The following RAB36 variants were observed in gnomAD, a reference collection of about 807,000 sequenced individuals.
The protein encoded by RAB36 is ras-related protein Rab-36.
In RAB36, 33 loss-of-function variants were observed where a neutral mutation model predicts 39.3. That is an observed-to-expected ratio of 0.84 (90% confidence interval 0.64 to 1.12). The LOEUF (loss-of-function observed/expected upper bound fraction) is 1.12, where lower values mean the gene tolerates loss of function less well. Among genes scored for constraint, RAB36 ranks in the 50% most tolerant of loss-of-function variants. The pLI is 0.00. For synonymous variants in RAB36, 133 were observed against 140.2 expected (o/e 0.95, Z 0.36); for missense variants, 308 against 355.3 (o/e 0.87, Z 1.07).
intron 6 of RAB36, among the ~76,000 whole-genome samples, chr22:23,156,672 G>C (rs1232605846): frequency 6.6e-6 from 1 of 152,234 alleles, no homozygotes; most frequent in Non-Finnish European, 1.5e-5. Flanking sequence ...ATGTCTACTC[G>C]GTAGTGGTGA....
chr22:23,151,418 CCCTGCTCTCACGGACCTGGCAAGGTGA>C (rs2071117509), intron 3 of RAB36, among the ~76,000 whole-genome samples: 1 of 152,144 alleles, frequency 6.6e-6, no homozygotes, highest in Admixed American at 6.5e-5. Flanking sequence ...TAGACACAAT[CCCTGCTCTCACGGACCTGGCAAGGTGA>C]CCTGCAGCCC....
In RAB36 at chr22:23,164,949, G is replaced by A. The variant is rs1251584463; in HGVS notation, c.*3385G>A. On this transcript the variant is annotated 3_prime_UTR_variant, in exon 11 of 11. Transcript: ENST00000263116. ...CTCCAGTTTCATCCCTGGTCACAAT[G>A]CAGTCTGCAGATGCCAGACCCCTCT... 7.4e-6 allele frequency among the ~76,000 whole-genome samples: 1 copy of A among 135,032 alleles called. No homozygotes were observed. Among genetic ancestry groups the A allele is most frequent in the Non-Finnish European group, 1.5e-5 (1 of 64,576 alleles). The allele number at this position is 135,032 out of a possible 152,430, so 88.6% of individuals were successfully genotyped here. A position where few individuals can be genotyped will look rare whatever the true frequency, so the allele number is the denominator to read the frequency against.
At position 23,165,521 on chromosome 22, in the gene RAB36, C is replaced by T. The variant is rs1246131621; in HGVS notation, c.*3957C>T. 6.6e-6 allele frequency among the ~76,000 whole-genome samples: 1 copy of T among 152,224 alleles called. No homozygotes were observed. Among genetic ancestry groups the T allele is most frequent in the Admixed American group, 6.5e-5 (1 of 15,284 alleles). On this transcript the variant is annotated 3_prime_UTR_variant, in exon 11 of 11. Coordinates refer to ENST00000263116, the MANE Select transcript of RAB36 (RefSeq NM_004914.5). ...AGAACTGAACAGGTCTCGGGAAGGA[C>T]ACTTCATGCCAGCTAGAGAGGCTCT...
At chr22:23,148,362 G>A (rs944667504) in intron 2 of RAB36, among the ~76,000 whole-genome samples, 1 of 152,160 alleles carries the variant, frequency 6.6e-6, no homozygotes, top group Non-Finnish European at 1.5e-5. Flanking sequence ...AAGTGTGATT[G>A]GCACAAAACA....
intron 5 of RAB36, among the ~76,000 whole-genome samples, chr22:23,154,563 G>A (rs2071353775): frequency 6.6e-6 from 1 of 152,218 alleles, no homozygotes; most frequent in African/African-American, 2.4e-5. Context: ...TAGCTGAGGT[G>A]GAGCCGGGAA....
At chr22:23,158,838 T>C (rs1388188156) in intron 7 of RAB36, 60 bp from the exon 8 acceptor site, 1 of 1,495,492 alleles carries the variant, frequency 6.7e-7, no homozygotes, top group Non-Finnish European at 9.3e-7. Context: ...GTGTGCCCTC[T>C]GCCCCCTGTT....
intron 6 of RAB36, 49 bp from the exon 7 acceptor site, chr22:23,157,943 C>T: frequency 1.2e-6 from 2 of 1,611,792 alleles, no homozygotes; most frequent in South Asian, 2.2e-5. Flanking sequence ...AGCCCCCTTG[C>T]TCGCCTCGCC....
chr22:23,148,120 AG>A (rs2146491555), intron 2 of RAB36, among the ~76,000 whole-genome samples: 1 of 152,224 alleles, frequency 6.6e-6, no homozygotes, highest in African/African-American at 2.4e-5. Flanking sequence ...GACTCTAGAC[AG>A]GTCCTGGGTA....
Position 23,145,511 on chromosome 22 carries a change from G to C in RAB36, c.-53G>C. 1 of 1,605,560 alleles carries C rather than the reference G, an allele frequency of 6.2e-7. No individual in the cohort carries two copies. The highest frequency in any genetic ancestry group is 8.5e-7 in the Non-Finnish European group (1 of 1,179,550). ...GTGATCGCCGCCGCTGGCTCAGGCG[G>C]ACCAGGCCGCGCGGAGCCCCAGCTT... On this transcript the variant is annotated 5_prime_UTR_variant, in exon 1 of 11. Coordinates refer to ENST00000263116, the MANE Select transcript of RAB36 (RefSeq NM_004914.5).
At chr22:23,154,283 T>C (rs2071338803) in intron 5 of RAB36, among the ~76,000 whole-genome samples, 2 of 152,216 alleles carry the variant, frequency 1.3e-5, no homozygotes, top group African/African-American at 4.8e-5. Context: ...ACCAAGCTCC[T>C]TCCTGGTGCC....
chr22:23,162,353 C>T lies in RAB36; in HGVS notation c.*789C>T. Reference sequence around the variant, plus strand: ...TGTGTGCTGCGGGAGGCAGACTGCACAGCTGTCCTAGGGTAACTCACTCTG... The same window carrying T: ...TGTGTGCTGCGGGAGGCAGACTGCATAGCTGTCCTAGGGTAACTCACTCTG... On this transcript the variant is annotated 3_prime_UTR_variant, in exon 11 of 11. Transcript: ENST00000263116. The T allele has an allele frequency of 3.1e-6, 1 of 318,796 alleles. No individual in the cohort carries two copies. Among genetic ancestry groups the T allele is most frequent in the Non-Finnish European group, 6.2e-6 (1 of 160,010 alleles). The allele number at this position is 318,796 out of a possible 1,614,324, so 19.7% of individuals were successfully genotyped here.
At chr22:23,157,273 C>G (rs1234267780) in intron 6 of RAB36, among the ~76,000 whole-genome samples, 1 of 150,118 alleles carries the variant, frequency 6.7e-6, no homozygotes, top group Non-Finnish European at 1.5e-5. Context: ...TTTTTTGAGC[C>G]TGAGTCTCGC....
downstream of RAB36, among the ~76,000 whole-genome samples, chr22:23,168,330 A>G (rs1489712138): frequency 6.6e-6 from 1 of 152,092 alleles, no homozygotes; most frequent in African/African-American, 2.4e-5. Flanking sequence ...CCAGGCTTGG[A>G]GGGGACTGCA....
intron 5 of RAB36, among the ~76,000 whole-genome samples, chr22:23,155,228 C>T (rs1196628704): frequency 2.0e-5 from 3 of 152,176 alleles, no homozygotes; most frequent in Non-Finnish European, 2.9e-5. Context: ...CCTCAAAAAG[C>T]GATGGATTGG....
At chr22:23,146,482 G>T (rs1377534136) in intron 1 of RAB36, 123 bp from the exon 2 acceptor site, 40 of 1,416,038 alleles carry the variant, frequency 2.8e-5, no homozygotes, top group African/African-American at 4.3e-5. Flanking sequence ...AAAGTGCTGG[G>T]ATTACAGGCA....
In RAB36 at chr22:23,161,588, C is replaced by G; in HGVS notation, c.*24C>G. ...AACTGGGGCCTGCGTGGAAGGCCTC[C>G]GCTCCCTGCACACACACGGACAGGA... On this transcript the variant is annotated 3_prime_UTR_variant, in exon 11 of 11. Transcript: ENST00000263116. 6.4e-7 allele frequency: 1 copy of G among 1,564,174 alleles called. No individual in the cohort carries two copies. Among genetic ancestry groups the G allele is most frequent in the Non-Finnish European group, 8.7e-7 (1 of 1,144,590 alleles).
At chr22:23,155,103 C>T (rs2071381364) in intron 5 of RAB36, among the ~76,000 whole-genome samples, 4 of 151,746 alleles carry the variant, frequency 2.6e-5, no homozygotes, top group Admixed American at 1.3e-4. Flanking sequence ...CTAGCCTGGG[C>T]AATAAGAGCG....
At position 23,163,718 on chromosome 22, in the gene RAB36, ACAGT is replaced by A. The variant is rs961161361; in HGVS notation, c.*2158_*2161del. The A allele has an allele frequency of 4.5e-4, 68 of 151,874 alleles. No individual in the cohort carries two copies. Among genetic ancestry groups the A allele is most frequent in the Admixed American group, 4.2e-3 (64 of 15,196 alleles). The allele number at this position is 151,874 out of a possible 1,614,324, so 9.4% of individuals were successfully genotyped here. ...GCAGGAAAGACTGTTAGCTCTGCTA[ACAGT>A]CAGGACTATTCCTTCTGGACTCTGT... On this transcript the variant is annotated 3_prime_UTR_variant, in exon 11 of 11. Transcript: ENST00000263116.
rs1272287128 is a variant in RAB36 at position 23,162,747 on chromosome 22, G to C, written c.*1183G>C. The C allele has an allele frequency of 2.2e-6, 1 of 456,258 alleles. No individual in the cohort carries two copies. Among genetic ancestry groups the C allele is most frequent in the Non-Finnish European group, 4.4e-6 (1 of 226,976 alleles). The allele number at this position is 456,258 out of a possible 1,614,324, so 28.3% of individuals were successfully genotyped here. A position where few individuals can be genotyped will look rare whatever the true frequency, so the allele number is the denominator to read the frequency against. On this transcript the variant is annotated 3_prime_UTR_variant, in exon 11 of 11. Coordinates refer to ENST00000263116, the MANE Select transcript of RAB36 (RefSeq NM_004914.5). ...GCTTCCCGTAGATGGCGAGCACCTT[G>C]CAGGCAGCCTTCTGATCAGTACTGC...
Sources: allele counts gnomAD v4.1 joint callset (sites outside exome capture counted in the v4.1 genomes callset), GRCh38; gene constraint gnomAD v4.1.1; transcripts MANE v1.5; gene names NCBI Gene and HGNC (gene_info 2026-07-23, HGNC 2026-07-21).